CEP85: variants seen among roughly 807,000 people sequenced by gnomAD.
CEP85 encodes the protein centrosomal protein 85.
In CEP85, 58 loss-of-function variants were observed where a neutral mutation model predicts 93.7. The ratio of observed to expected loss-of-function variants is 0.62; its 90% confidence interval spans 0.50 to 0.77. The LOEUF is 0.77. Ranked by LOEUF, CEP85 falls within the 30% of genes least tolerant of loss-of-function variation. The pLI, the probability that CEP85 is intolerant of heterozygous loss-of-function variation, is 0.00. For missense variants in CEP85, 868 were observed against 922.0 expected (o/e 0.94, Z 0.76); for synonymous variants, 314 against 338.6 (o/e 0.93, Z 0.80).
At chr1:26,236,740 G>A (rs570693617) in intron 1 of CEP85, among the ~76,000 whole-genome samples, 11 of 152,298 alleles carry the variant, frequency 7.2e-5, no homozygotes, top group Admixed American at 3.9e-4. Flanking sequence ...TCCTGATAAC[G>A]TGTGCCCTGG....
chr1:26,262,475 C>CT (rs2089825793), intron 7 of CEP85, among the ~76,000 whole-genome samples: 1 of 151,312 alleles, frequency 6.6e-6, no homozygotes, highest in Admixed American at 6.6e-5. Flanking sequence ...GAGTGAGAGT[C>CT]TGTCTCAAAA....
rs1009781193 is a variant in CEP85 at position 26,272,785 on chromosome 1, C to T, written c.1794+714C>T. On this transcript the variant is annotated intron_variant, in intron 11 of 13. Coordinates refer to ENST00000451429, the MANE Select transcript of CEP85 (RefSeq NM_001319944.2). ...CTGGTATTACGGGTGCCCACCATCA[C>T]GCCCGGCTAATTTTTGTATTTTTTG... is the stretch of plus-strand genomic sequence containing the variant. Among the ~76,000 whole-genome samples the T allele has an allele frequency of 1.1e-4, 16 of 152,070 alleles. 1 individual carries two copies. The South Asian group carries it at 2.3e-3, about 22-fold the overall frequency.
At chr1:26,248,318 AT>A in intron 3 of CEP85, among the ~76,000 whole-genome samples, 1 of 152,202 alleles carries the variant, frequency 6.6e-6, no homozygotes, top group Non-Finnish European at 1.5e-5. Context: ...AGTGGTCTAG[AT>A]TTTTCCCCCA....
At chr1:26,246,683 C>T (rs1022951972) in intron 3 of CEP85, among the ~76,000 whole-genome samples, 3 of 150,236 alleles carry the variant, frequency 2.0e-5, no homozygotes, top group African/African-American at 4.9e-5. Flanking sequence ...GAGGTGAGAT[C>T]GTGCCATTGC....
At chr1:26,237,062 G>A (rs2089337773) in intron 1 of CEP85, among the ~76,000 whole-genome samples, 4 of 152,138 alleles carry the variant, frequency 2.6e-5, no homozygotes, top group Admixed American at 2.6e-4. Context: ...CCAGAAGGGA[G>A]GAGGGTATAA....
chr1:26,271,183 T>C, intron 10 of CEP85, 76 bp downstream of exon 10: 2 of 867,318 alleles, frequency 2.3e-6, no homozygotes, highest in Non-Finnish European at 3.8e-6. Flanking sequence ...GAGGGATACG[T>C]GAATTCTTGG....
intron 2 of CEP85, among the ~76,000 whole-genome samples, chr1:26,242,533 C>T (rs1451424716): frequency 6.6e-6 from 1 of 152,086 alleles, no homozygotes; most frequent in Non-Finnish European, 1.5e-5. Flanking sequence ...TGGGGAAAGT[C>T]AGGTTGCCTT....
At position 26,255,313 on chromosome 1, in the gene CEP85, A is replaced by G. The variant is rs182615325; in HGVS notation, c.351A>G (p.Lys117=). ...NSTPVGPSSS[K]LPLSGLAESV... is the part of the protein sequence containing the mutation. The stretch of plus-strand genomic sequence containing the variant: ...CACCTGTTGGACCCTCTTCCTCTAA[A>G]CTCCCTTTGTCAGGGTTGGCTGAAA... Residue 117 remains lysine, a synonymous_variant, in exon 4 of 14, where the codon AAA becomes AAG. Transcript: ENST00000451429. 1.9e-6 allele frequency: 3 copies of G among 1,613,686 alleles called. No homozygotes were observed. In the East Asian group the frequency reaches 6.7e-5, roughly 36 times the overall value.
In CEP85 at chr1:26,255,689, A is replaced by G. The variant is rs150424067; in HGVS notation, c.727A>G (p.Asn243Asp). The stretch of plus-strand genomic sequence containing the variant: ...GTTTGAGCGGAATGGACCACATTCT[A>G]ATAGCAGTGGGGTCCTCCCTTTGGG... ...AVFERNGPHSNSSGVLPLGLQ... is the reference protein window; with the variant it reads ...AVFERNGPHSDSSGVLPLGLQ... Residue 243 changes from asparagine (N) to aspartate (D), a missense_variant, in exon 4 of 14, where the codon AAT becomes GAT. Coordinates refer to ENST00000451429, the MANE Select transcript of CEP85 (RefSeq NM_001319944.2). The G allele has an allele frequency of 6.8e-6, 11 of 1,613,996 alleles. No individual in the cohort carries two copies. The highest frequency in any genetic ancestry group is 2.7e-5 in the African/African-American group (2 of 74,904).
chr1:26,255,604 A>G lies in CEP85; in HGVS notation c.642A>G (p.Thr214=), dbSNP rs199807594. 15 of 1,614,070 alleles carry G rather than the reference A, an allele frequency of 9.3e-6. No homozygotes were observed. In the Middle Eastern group the frequency reaches 4.9e-4, roughly 53 times the overall value. Residue 214 remains threonine (T), a synonymous_variant, in exon 4 of 14, where the codon ACA becomes ACG. Transcript: ENST00000451429. ...GCTTCCACAACCCAAGAACCAGCAC[A>G]AGTAAGGAGTTGTACAGAGTGTTGC... ...RVRFHNPRTS[T]SKELYRVLPE... is the part of the protein sequence containing the mutation.
In CEP85 at chr1:26,239,808, A is replaced by G. The variant is rs139801872; in HGVS notation, c.25A>G (p.Thr9Ala). Residue 9 changes from threonine (T) to alanine (A), a missense_variant, in exon 2 of 14, where the codon ACT becomes GCT. By Grantham distance (58) the Thr-to-Ala change is moderately conservative. Transcript: ENST00000451429. MAMQEKYP[T>A]EGISHVTSPS... ...GATGGCCATGCAGGAGAAATATCCA[A>G]CTGAGGGGATCTCTCACGTCACTTC... is the stretch of plus-strand genomic sequence containing the variant. 1.7e-4 allele frequency: 281 copies of G among 1,613,808 alleles called. No homozygotes were observed. The highest frequency in any genetic ancestry group is 2.1e-4 in the Non-Finnish European group (248 of 1,179,780).
At chr1:26,272,280 A>C (rs539556115) in intron 11 of CEP85, 5 of 582,346 alleles carry the variant, frequency 8.6e-6, no homozygotes, top group African/African-American at 7.4e-5. Context: ...CAGTCCCCAC[A>C]GTATCCTGGG....
Position 26,258,270 on chromosome 1 carries a change from G to C in CEP85, c.1155+10G>C. ...CTTGCTGAGGCTACAGGTAAGTATT[G>C]GCCATCAGGATGGCATTCTGTTTGT... On this transcript the variant is annotated intron_variant, in intron 6 of 13. Transcript: ENST00000451429. 6.4e-7 allele frequency: 1 copy of C among 1,567,596 alleles called. No homozygotes were observed. Among genetic ancestry groups the C allele is most frequent in the Non-Finnish European group, 8.8e-7 (1 of 1,137,908 alleles).
intron 2 of CEP85, among the ~76,000 whole-genome samples, chr1:26,241,523 C>T (rs1467240342): frequency 2.0e-4 from 30 of 152,162 alleles, no homozygotes; most frequent in Non-Finnish European, 1.2e-4. Context: ...GGATTACAGG[C>T]GTGAGCCACT....
intron 3 of CEP85, among the ~76,000 whole-genome samples, chr1:26,245,203 A>AT (rs2089490921): frequency 9.3e-6 from 1 of 107,944 alleles, no homozygotes; most frequent in Non-Finnish European, 2.0e-5. Flanking sequence ...TTTTTTTTTC[A>AT]TTTTTTGTAG....
intron 7 of CEP85, among the ~76,000 whole-genome samples, chr1:26,262,177 C>T (rs2089820283): frequency 6.6e-6 from 1 of 152,032 alleles, no homozygotes; most frequent in Non-Finnish European, 1.5e-5. Context: ...GGTGGTGGCG[C>T]ACGCCTATAG....
rs1433524136 is a variant in CEP85 at position 26,241,243 on chromosome 1, A to ATTTTTTTT, written c.55+1405_55+1406insTTTTTTTT. 6.5e-4 allele frequency among the ~76,000 whole-genome samples: 40 copies of ATTTTTTTT among 61,830 alleles called. 1 individual carries two copies. Among genetic ancestry groups the ATTTTTTTT allele is most frequent in the Admixed American group, 7.9e-4 (5 of 6,352 alleles). The allele number at this position is 61,830 out of a possible 152,430, so 40.6% of individuals were successfully genotyped here. On this transcript the variant is annotated intron_variant, in intron 2 of 13. Coordinates refer to ENST00000451429, the MANE Select transcript of CEP85 (RefSeq NM_001319944.2). ...AATCAATTCAAGATTCATTCAGCAGAATTTTTTTTTTTTTTTTGAAATGGA... is the reference window on the plus strand; with the variant it reads ...AATCAATTCAAGATTCATTCAGCAGATTTTTTTTATTTTTTTTTTTTTTTTGAAATGGA...
chr1:26,277,376 C>A lies in CEP85; in HGVS notation c.*83C>A. Reference sequence around the variant, plus strand: ...GGTTTCTGCCCTGACATTCTCTTGTCTGCTATTCCCAGAGAGGTCTCAGAG... The same window carrying A: ...GGTTTCTGCCCTGACATTCTCTTGTATGCTATTCCCAGAGAGGTCTCAGAG... On this transcript the variant is annotated 3_prime_UTR_variant, in exon 14 of 14. Coordinates refer to ENST00000451429, the MANE Select transcript of CEP85 (RefSeq NM_001319944.2). The A allele has an allele frequency of 1.4e-6, 2 of 1,380,870 alleles. No homozygotes were observed. Among genetic ancestry groups the A allele is most frequent in the Non-Finnish European group, 2.0e-6 (2 of 993,280 alleles). 85.5% of individuals were successfully genotyped at this position (1,380,870 alleles called of 1,614,324 possible).
intron 1 of CEP85, among the ~76,000 whole-genome samples, chr1:26,236,719 C>T (rs993536522): frequency 1.3e-5 from 2 of 152,168 alleles, no homozygotes; most frequent in African/African-American, 2.4e-5. Context: ...CCTGACACAG[C>T]CCTCAGGTGA....
Sources: gnomAD v4.1 joint callset for allele counts (sites outside exome capture counted in the v4.1 genomes callset) on GRCh38, gnomAD v4.1.1 for gene constraint, MANE v1.5 for transcripts, NCBI Gene and HGNC (gene_info 2026-07-23, HGNC 2026-07-21) for gene names.